The following GOSR1 variants were observed in gnomAD, a reference collection of about 807,000 sequenced individuals.
GOSR1 encodes the protein golgi SNAP receptor complex member 1.
GOSR1 carries 21 observed loss-of-function variants against 35.5 expected under a neutral mutation model. That is an observed-to-expected ratio of 0.59 (90% CI 0.42 to 0.85). GOSR1 has a LOEUF of 0.85. Among genes scored for constraint, GOSR1 ranks in the 40% least tolerant of loss-of-function variants. The pLI, the probability that GOSR1 is intolerant of heterozygous loss-of-function variation, is 0.00. For missense variants in GOSR1, 285 were observed against 309.6 expected, an observed-to-expected ratio of 0.92 and a Z score of 0.60; for synonymous variants, 94 against 106.6, an observed-to-expected ratio of 0.88 and a Z score of 0.73.
chr17:30,520,082 G>A, intron 8 of GOSR1, 61 bp downstream of exon 8: 1 of 1,070,840 alleles, frequency 9.3e-7, no homozygotes, highest in Non-Finnish European at 1.5e-6. Context: ...GTGTCTGTGT[G>A]TGCTTTTATA....
At position 30,524,888 on chromosome 17, in the gene GOSR1, C is replaced by G. The variant is rs1223026858; in HGVS notation, c.*2510C>G. The G allele has an allele frequency of 6.6e-6, 1 of 152,212 alleles. No homozygotes were observed. The highest frequency in any genetic ancestry group is 1.5e-5 in the Non-Finnish European group (1 of 68,032). 9.4% of individuals were successfully genotyped at this position (152,212 alleles called of 1,614,324 possible). A position where few individuals can be genotyped will look rare whatever the true frequency, so the allele number is the denominator to read the frequency against. On this transcript the variant is annotated 3_prime_UTR_variant, in exon 9 of 9. Transcript: ENST00000451249. The stretch of plus-strand genomic sequence containing the variant: ...AAATCTGTTAAGCATTTCCAAACAT[C>G]CAGAGAATGGTTTCACTGTTGAGGG...
At chr17:30,513,096 CAA>C (rs1967670400) in intron 7 of GOSR1, among the ~76,000 whole-genome samples, 1 of 152,136 alleles carries the variant, frequency 6.6e-6, no homozygotes, top group Non-Finnish European at 1.5e-5. Context: ...AAGTTTGTGT[CAA>C]ATAGTATTTT....
Position 30,524,915 on chromosome 17 carries a change from G to A in GOSR1, c.*2537G>A, listed in dbSNP as rs1453579669. Reference sequence around the variant, plus strand: ...AGAGAATGGTTTCACTGTTGAGGGTGCATGTGGCAGAATCTGTCTCTCTCT... The same window carrying A: ...AGAGAATGGTTTCACTGTTGAGGGTACATGTGGCAGAATCTGTCTCTCTCT... On this transcript the variant is annotated 3_prime_UTR_variant, in exon 9 of 9. Transcript: ENST00000451249. 6.6e-6 allele frequency: 1 copy of A among 152,216 alleles called. No individual in the cohort carries two copies. The highest frequency in any genetic ancestry group is 1.5e-5 in the Non-Finnish European group (1 of 68,044). 9.4% of individuals were successfully genotyped at this position (152,216 alleles called of 1,614,324 possible).
intron 4 of GOSR1, among the ~76,000 whole-genome samples, chr17:30,485,684 GA>G (rs1426763420): frequency 6.6e-6 from 1 of 152,126 alleles, no homozygotes; most frequent in African/African-American, 2.4e-5. Flanking sequence ...TTAATATTGA[GA>G]AAAGTCAGCA....
chr17:30,509,415 T>A (rs1229206345), intron 6 of GOSR1, among the ~76,000 whole-genome samples: 2 of 152,386 alleles, frequency 1.3e-5, no homozygotes, highest in South Asian at 4.1e-4. Context: ...GGCCGGTATT[T>A]ATGACTTTTT....
intron 6 of GOSR1, among the ~76,000 whole-genome samples, chr17:30,506,747 C>T (rs1305955391): frequency 3.3e-5 from 5 of 152,212 alleles, no homozygotes; most frequent in African/African-American, 4.8e-5. Context: ...CTCCTAGAGA[C>T]GAGAAGTCAG....
rs1967040927 is a variant in GOSR1 at position 30,497,390 on chromosome 17, G to A, written c.509+4637G>A. On this transcript the variant is annotated intron_variant, in intron 6 of 8. Transcript: ENST00000451249. ...GTAGTATAGTGAAATGATTAGGGCA[G>A]GGCTTTGAAGCCAGAGAGTCCTGGG... Among the ~76,000 whole-genome samples, 3 of 152,280 alleles carry A rather than the reference G, an allele frequency of 2.0e-5. No homozygotes were observed. The South Asian group carries it at 6.2e-4, about 32-fold the overall frequency.
At position 30,526,229 on chromosome 17, in the gene GOSR1, A is replaced by T. The variant is rs1490422547; in HGVS notation, c.*3851A>T. 6.6e-6 allele frequency: 1 copy of T among 152,206 alleles called. No homozygotes were observed. The highest frequency in any genetic ancestry group is 1.5e-5 in the Non-Finnish European group (1 of 68,016). The allele number at this position is 152,206 out of a possible 1,614,324, so 9.4% of individuals were successfully genotyped here. On this transcript the variant is annotated 3_prime_UTR_variant, in exon 9 of 9. Coordinates refer to ENST00000451249, the MANE Select transcript of GOSR1 (RefSeq NM_001007025.2). ...AAGGAATTTTCTACTTCTGGATCCA[A>T]ATGTTACCTCTTAGGGGAAGTTATG...
At chr17:30,496,124 C>T (rs1435201120) in intron 6 of GOSR1, among the ~76,000 whole-genome samples, 1 of 151,976 alleles carries the variant, frequency 6.6e-6, no homozygotes, top group Non-Finnish European at 1.5e-5. Context: ...TACCCCTTTC[C>T]TATAGTTGTT....
intron 2 of GOSR1, among the ~76,000 whole-genome samples, chr17:30,481,580 T>A (rs552057219): frequency 6.6e-6 from 1 of 151,980 alleles, no homozygotes; most frequent in East Asian, 1.9e-4. Flanking sequence ...CCGTGTGGCA[T>A]GTATTTCTTG....
rs755564468 is a variant in GOSR1, at chr17:30,481,252, C to T, written c.141C>T (p.Arg47=). 1.0e-5 allele frequency: 16 copies of T among 1,607,040 alleles called. No homozygotes were observed. Among genetic ancestry groups the T allele is most frequent in the South Asian group, 2.2e-5 (2 of 90,940 alleles). Residue 47 remains arginine (R), a synonymous_variant, in exon 2 of 9, where the codon CGC becomes CGT. Coordinates refer to ENST00000451249, the MANE Select transcript of GOSR1 (RefSeq NM_001007025.2). ...ATAGCAGTACCCGAGATGGAAGACGCGACAGGTATAGGTACTACCAGATTC... is the reference window on the plus strand; with the variant it reads ...ATAGCAGTACCCGAGATGGAAGACGTGACAGGTATAGGTACTACCAGATTC... ...YSHSSTRDGR[R]DSSDTTPLLN...
At chr17:30,485,361 A>G (rs1280808194) in intron 4 of GOSR1, among the ~76,000 whole-genome samples, 1 of 151,942 alleles carries the variant, frequency 6.6e-6, no homozygotes, top group African/African-American at 2.4e-5. Context: ...CAACCTCCCA[A>G]GCTCAAACAA....
chr17:30,491,552 G>T (rs1358765983), intron 5 of GOSR1, among the ~76,000 whole-genome samples: 1 of 152,092 alleles, frequency 6.6e-6, no homozygotes, highest in Admixed American at 6.5e-5. Flanking sequence ...CCAGCCACTC[G>T]GGAGGCTGAG....
In GOSR1 at chr17:30,513,864, A is replaced by G. The variant is rs117774409; in HGVS notation, c.539+2955A>G. ...CTTGGAAGGCTGAGGCAGGAGGAGC[A>G]CTTGCACCCATGAGGTCAAGGCTGC... On this transcript the variant is annotated intron_variant, in intron 7 of 8. Coordinates refer to ENST00000451249, the MANE Select transcript of GOSR1 (RefSeq NM_001007025.2). Among the ~76,000 whole-genome samples, 360 of 152,318 alleles carry G rather than the reference A, an allele frequency of 2.4e-3. 14 individuals carry two copies. In the East Asian group the frequency reaches 0.067, roughly 28 times the overall value.
At chr17:30,495,766 CCT>C (rs1232258227) in intron 6 of GOSR1, among the ~76,000 whole-genome samples, 1 of 152,224 alleles carries the variant, frequency 6.6e-6, no homozygotes, top group Non-Finnish European at 1.5e-5. Flanking sequence ...TTCCTGTGCC[CCT>C]GTCTTCCTGC....
intron 6 of GOSR1, among the ~76,000 whole-genome samples, chr17:30,499,755 G>A (rs1967136377): frequency 6.6e-6 from 1 of 152,118 alleles, no homozygotes; most frequent in East Asian, 1.9e-4. Context: ...TACCATTTTT[G>A]CATTCCTGTC....
chr17:30,478,047 C>G (rs1418756007), intron 1 of GOSR1: 1 of 442,876 alleles, frequency 2.3e-6, no homozygotes, highest in East Asian at 1.6e-4. Context: ...ACTTACCCTT[C>G]TGCTCTAGAG....
chr17:30,521,885 A>G (rs980855510), intron 8 of GOSR1, among the ~76,000 whole-genome samples: 4 of 152,156 alleles, frequency 2.6e-5, no homozygotes, highest in Non-Finnish European at 5.9e-5. Context: ...GGAGCTGGCT[A>G]TGCCTGTGCC....
rs1337150080 is a variant in GOSR1, at chr17:30,524,745, G to C, written c.*2367G>C. On this transcript the variant is annotated 3_prime_UTR_variant, in exon 9 of 9. Transcript: ENST00000451249. ...AAGAAGCCACATATAAAAAGGCATT[G>C]AGGGCTCACTGTCCAGAGAATTGCT... is the stretch of plus-strand genomic sequence containing the variant. 2 of 152,194 alleles carry C rather than the reference G, an allele frequency of 1.3e-5. No individual in the cohort carries two copies. Among genetic ancestry groups the C allele is most frequent in the Non-Finnish European group, 2.9e-5 (2 of 68,044 alleles). 9.4% of individuals were successfully genotyped at this position (152,194 alleles called of 1,614,324 possible).
Sources: allele counts gnomAD v4.1 joint callset (sites outside exome capture counted in the v4.1 genomes callset), GRCh38; gene constraint gnomAD v4.1.1; transcripts MANE v1.5; gene names NCBI Gene and HGNC (gene_info 2026-07-23, HGNC 2026-07-21).